Variants in PTPRG observed in about 807,000 individuals in gnomAD.
PTPRG encodes the protein protein tyrosine phosphatase receptor type G, also known as receptor-type tyrosine-protein phosphatase gamma.
A neutral mutation model predicts 165.3 loss-of-function variants in PTPRG; 102 were observed. That is an observed-to-expected ratio of 0.62 (90% CI 0.53 to 0.73). The LOEUF (loss-of-function observed/expected upper bound fraction) is 0.73, where lower values mean the gene tolerates loss of function less well. Among genes scored for constraint, PTPRG ranks in the 30% least tolerant of loss-of-function variants. PTPRG has a pLI of 0.00. For missense variants in PTPRG, 1,866 were observed against 1,861.4 expected (o/e 1.00, Z -0.05); for synonymous variants, 675 against 669.5 (o/e 1.01, Z -0.13).
At chr3:61,685,020 C>T (rs1438507408) in intron 1 of PTPRG, among the ~76,000 whole-genome samples, 1 of 152,188 alleles carries the variant, frequency 6.6e-6, no homozygotes, top group African/African-American at 2.4e-5. Flanking sequence ...CCCTCCCTCT[C>T]TCTGTTACTC....
intron 2 of PTPRG, among the ~76,000 whole-genome samples, chr3:61,853,351 C>T (rs778820487): frequency 6.6e-6 from 1 of 152,166 alleles, no homozygotes; most frequent in Non-Finnish European, 1.5e-5. Context: ...TGTGTGACTT[C>T]TTAAGACCAG....
chr3:61,918,521 A>C (rs987795447), intron 2 of PTPRG, among the ~76,000 whole-genome samples: 2 of 152,210 alleles, frequency 1.3e-5, no homozygotes, highest in Admixed American at 1.3e-4. Context: ...AAAAATAAGA[A>C]TAAGATCGCC....
chr3:61,933,876 T>G (rs886618981), intron 2 of PTPRG, among the ~76,000 whole-genome samples: 14 of 152,228 alleles, frequency 9.2e-5, no homozygotes, highest in African/African-American at 3.4e-4. Context: ...TCAGCTAGTT[T>G]GAAAATAGTC....
chr3:61,597,594 C>T lies in PTPRG; in HGVS notation c.85+35222C>T, dbSNP rs1700735515. On this transcript the variant is annotated intron_variant, in intron 1 of 29. Coordinates refer to ENST00000474889, the MANE Select transcript of PTPRG (RefSeq NM_002841.4). ...AAAGGGTCTGATTTAATCTTTTTACCATGTAGGATTTGGTTTTAGGTCATT... is the reference window on the plus strand; with the variant it reads ...AAAGGGTCTGATTTAATCTTTTTACTATGTAGGATTTGGTTTTAGGTCATT... Among the ~76,000 whole-genome samples, 4 of 152,094 alleles carry T rather than the reference C, an allele frequency of 2.6e-5. No individual in the cohort carries two copies. In the South Asian group the frequency reaches 8.3e-4, roughly 32 times the overall value.
At chr3:61,907,953 T>G (rs1202064740) in intron 2 of PTPRG, among the ~76,000 whole-genome samples, 2 of 151,002 alleles carry the variant, frequency 1.3e-5, no homozygotes, top group Non-Finnish European at 2.9e-5. Flanking sequence ...GACCCCCGTC[T>G]CTGTGGAAAG....
intron 2 of PTPRG, among the ~76,000 whole-genome samples, chr3:61,779,458 A>G (rs2034481713): frequency 6.6e-6 from 1 of 152,140 alleles, no homozygotes; most frequent in South Asian, 2.1e-4. Flanking sequence ...CTGGCACTGT[A>G]CATCACAGAT....
intron 1 of PTPRG, among the ~76,000 whole-genome samples, chr3:61,687,506 GCTTTGGGACC>G (rs779664927): frequency 6.6e-6 from 1 of 152,162 alleles, no homozygotes; most frequent in Non-Finnish European, 1.5e-5. Flanking sequence ...GCTAAACATG[GCTTTGGGACC>G]CTCTTGAAGT....
chr3:62,216,965 T>G (rs549776516), intron 12 of PTPRG, among the ~76,000 whole-genome samples: 1 of 152,340 alleles, frequency 6.6e-6, no homozygotes, highest in East Asian at 1.9e-4. Context: ...CTTGGAGAGC[T>G]ATTCCCCTAT....
At chr3:61,622,728 T>C (rs1701498910) in intron 1 of PTPRG, among the ~76,000 whole-genome samples, 1 of 152,190 alleles carries the variant, frequency 6.6e-6, no homozygotes, top group African/African-American at 2.4e-5. Flanking sequence ...TCAGTAATAG[T>C]CTTACCTTAG....
At chr3:61,742,244 C>CT (rs2033019136) in intron 1 of PTPRG, among the ~76,000 whole-genome samples, 1 of 152,048 alleles carries the variant, frequency 6.6e-6, no homozygotes, top group African/African-American at 2.4e-5. Flanking sequence ...TACACATCTG[C>CT]TTTTTTATTC....
chr3:61,719,650 A>C (rs755028057), intron 1 of PTPRG, among the ~76,000 whole-genome samples: 1 of 151,964 alleles, frequency 6.6e-6, no homozygotes, highest in African/African-American at 2.4e-5. Flanking sequence ...TCAATCCTTC[A>C]TCCTGTTTCT....
At chr3:61,649,588 G>C (rs991067214) in intron 1 of PTPRG, among the ~76,000 whole-genome samples, 3 of 152,128 alleles carry the variant, frequency 2.0e-5, no homozygotes, top group Non-Finnish European at 2.9e-5. Flanking sequence ...TAATTGCCTC[G>C]TAAAGATCCC....
At chr3:62,129,582 C>T (rs1703439867) in intron 5 of PTPRG, among the ~76,000 whole-genome samples, 1 of 152,000 alleles carries the variant, frequency 6.6e-6, no homozygotes, top group African/African-American at 2.4e-5. Context: ...TGCAAGGGGG[C>T]CAAACTCACT....
chr3:61,938,229 TTTTTCC>T (rs2039526346), intron 2 of PTPRG, among the ~76,000 whole-genome samples: 1 of 136,208 alleles, frequency 7.3e-6, no homozygotes, highest in African/African-American at 2.9e-5. Context: ...CCCCTTTTTC[TTTTTCC>T]TTTTTTTTTT....
intron 8 of PTPRG, among the ~76,000 whole-genome samples, chr3:62,186,969 A>G (rs990880970): frequency 4.6e-5 from 7 of 152,222 alleles, no homozygotes; most frequent in African/African-American, 1.7e-4. Context: ...GAAGGGGAAC[A>G]TGTCACACAG....
intron 2 of PTPRG, among the ~76,000 whole-genome samples, chr3:61,888,991 T>C (rs2107493846): frequency 6.6e-6 from 1 of 152,382 alleles, no homozygotes; most frequent in South Asian, 2.1e-4. Context: ...TATTGTGTTT[T>C]TCTCAGTGCA....
At chr3:61,785,605 G>A (rs1416919933) in intron 2 of PTPRG, among the ~76,000 whole-genome samples, 2 of 152,126 alleles carry the variant, frequency 1.3e-5, no homozygotes, top group Non-Finnish European at 1.5e-5. Flanking sequence ...TCAAATGATA[G>A]TGCCCACTTG....
chr3:61,718,246 C>G (rs1214661486), intron 1 of PTPRG, among the ~76,000 whole-genome samples: 1 of 148,526 alleles, frequency 6.7e-6, no homozygotes, highest in African/African-American at 2.5e-5. Context: ...CTCAGAGAAC[C>G]AAGACAGATT....
chr3:62,045,029 G>C (rs562813119), intron 4 of PTPRG, among the ~76,000 whole-genome samples: 3 of 152,272 alleles, frequency 2.0e-5, no homozygotes, highest in African/African-American at 7.2e-5. Context: ...TGCATTCATT[G>C]TAAGAATGGG....
Sources: allele counts gnomAD v4.1 joint callset (sites outside exome capture counted in the v4.1 genomes callset), GRCh38; gene constraint gnomAD v4.1.1; transcripts MANE v1.5; gene names NCBI Gene and HGNC (gene_info 2026-07-23, HGNC 2026-07-21).